The following BTBD9 variants were observed in gnomAD, a reference collection of about 807,000 sequenced individuals.
BTBD9 encodes BTB domain containing 9.
Under a neutral mutation model 64.3 loss-of-function variants are expected in BTBD9, and 49 were observed. That is an observed-to-expected ratio of 0.76 (90% CI 0.61 to 0.97). The LOEUF is 0.97. Ranked by LOEUF, BTBD9 falls within the 50% of genes least tolerant of loss-of-function variation. The probability of loss-of-function intolerance (pLI) is 0.00; values close to 1 mark genes in which losing one functional copy is unlikely to be tolerated. For synonymous variants in BTBD9, 260 were observed against 274.7 expected (o/e 0.95, Z 0.53); for missense variants, 598 against 762.1 (o/e 0.78, Z 2.53).
chr6:38,297,664 A>G (rs988975643), intron 7 of BTBD9, among the ~76,000 whole-genome samples: 1 of 152,168 alleles, frequency 6.6e-6, no homozygotes, highest in African/African-American at 2.4e-5. Flanking sequence ...TGTAAATAAC[A>G]TAATAGATTT....
intron 6 of BTBD9, among the ~76,000 whole-genome samples, chr6:38,351,989 T>C (rs2127593289): frequency 6.6e-6 from 1 of 152,286 alleles, no homozygotes; most frequent in South Asian, 2.1e-4. Context: ...AGATCTAAAA[T>C]GTATTTAATT....
At chr6:38,581,831 G>A (rs2127477709) in intron 4 of BTBD9, among the ~76,000 whole-genome samples, 1 of 152,202 alleles carries the variant, frequency 6.6e-6, no homozygotes, top group African/African-American at 2.4e-5. Context: ...AGCATATTAT[G>A]AGCTCTACTC....
intron 1 of BTBD9, among the ~76,000 whole-genome samples, chr6:38,601,386 A>G (rs1189445181): frequency 2.0e-5 from 3 of 152,228 alleles, no homozygotes. Flanking sequence ...CTACAAAGTG[A>G]TAGTTTCAGT....
chr6:38,465,582 G>C (rs2127358747), intron 6 of BTBD9, among the ~76,000 whole-genome samples: 1 of 149,362 alleles, frequency 6.7e-6, no homozygotes, highest in Admixed American at 6.7e-5. Context: ...AGTGAGCTGA[G>C]ACTGGGAGGC....
intron 1 of BTBD9, among the ~76,000 whole-genome samples, chr6:38,598,903 G>A (rs1777154116): frequency 1.3e-5 from 2 of 152,002 alleles, no homozygotes; most frequent in African/African-American, 4.8e-5. Context: ...GGCCACAAGA[G>A]CGAAACTTCT....
chr6:38,353,226 G>C (rs1396877810), intron 6 of BTBD9, among the ~76,000 whole-genome samples: 1 of 152,112 alleles, frequency 6.6e-6, no homozygotes, highest in Non-Finnish European at 1.5e-5. Context: ...AATTAAATAG[G>C]CTTCTTAGCA....
chr6:38,256,645 T>TC (rs759961452), intron 8 of BTBD9, 129 bp from the exon 9 acceptor site: 1 of 624,620 alleles, frequency 1.6e-6, no homozygotes, highest in Non-Finnish European at 2.8e-6. Context: ...AGAAGGTGAA[T>TC]CCCAAAAAAG....
intron 10 of BTBD9, among the ~76,000 whole-genome samples, chr6:38,188,393 G>A (rs1020432234): frequency 6.6e-6 from 1 of 152,140 alleles, no homozygotes; most frequent in Non-Finnish European, 1.5e-5. Flanking sequence ...TCCATGCTGC[G>A]CTTCCCCACC....
At chr6:38,193,050 TATAATA>T (rs1343345462) in intron 9 of BTBD9, among the ~76,000 whole-genome samples, 1 of 134,532 alleles carries the variant, frequency 7.4e-6, no homozygotes, top group Non-Finnish European at 1.7e-5. Context: ...GAACTTGGAG[TATAATA>T]ATAATAAAAA....
chr6:38,322,512 A>T (rs1019843812), intron 7 of BTBD9, among the ~76,000 whole-genome samples: 1 of 152,194 alleles, frequency 6.6e-6, no homozygotes, highest in Non-Finnish European at 1.5e-5. Flanking sequence ...ATTTTACAGG[A>T]TCACATTCAT....
intron 6 of BTBD9, among the ~76,000 whole-genome samples, chr6:38,396,580 C>A (rs914396286): frequency 6.6e-6 from 1 of 152,194 alleles, no homozygotes; most frequent in Non-Finnish European, 1.5e-5. Flanking sequence ...TTATCCTTTA[C>A]CCTTGCCACT....
intron 6 of BTBD9, among the ~76,000 whole-genome samples, chr6:38,564,615 A>G (rs780739983): frequency 1.3e-5 from 2 of 151,912 alleles, no homozygotes; most frequent in African/African-American, 2.4e-5. Context: ...ATGGCCGAGC[A>G]CGGTGACTCA....
chr6:38,258,797 G>C (rs1260321207), intron 8 of BTBD9, among the ~76,000 whole-genome samples: 2 of 152,214 alleles, frequency 1.3e-5, no homozygotes, highest in African/African-American at 4.8e-5. Context: ...GGCTGAGGCA[G>C]GAGAATCGCT....
chr6:38,550,021 C>T (rs1011837207), intron 6 of BTBD9, among the ~76,000 whole-genome samples: 3 of 152,164 alleles, frequency 2.0e-5, no homozygotes, highest in African/African-American at 7.2e-5. Flanking sequence ...CTTTCTCAGT[C>T]TTGTGTACCG....
chr6:38,246,436 G>T (rs981556652), intron 9 of BTBD9, among the ~76,000 whole-genome samples: 1 of 151,394 alleles, frequency 6.6e-6, no homozygotes, highest in Admixed American at 6.6e-5. Context: ...TCTGCCTAGG[G>T]TCAGACTTGG....
chr6:38,571,805 A>G (rs1202057540), intron 6 of BTBD9: 1 of 152,280 alleles, frequency 6.6e-6, no homozygotes, highest in Non-Finnish European at 1.5e-5. Flanking sequence ...CTAAAAATAG[A>G]AAAAACTAGC....
intron 6 of BTBD9, among the ~76,000 whole-genome samples, chr6:38,527,309 T>TGGG (rs949069069): frequency 8.4e-6 from 1 of 119,294 alleles, no homozygotes; most frequent in African/African-American, 3.3e-5. Context: ...TGTGATTTGG[T>TGGG]GGGGGCCAGG....
intron 6 of BTBD9, among the ~76,000 whole-genome samples, chr6:38,415,989 C>A (rs541157260): frequency 2.6e-5 from 4 of 152,198 alleles, no homozygotes; most frequent in Non-Finnish European, 4.4e-5. Flanking sequence ...CAGAACCAGA[C>A]AGATTGGCTA....
At chr6:38,556,859 A>G (rs1191864091) in intron 6 of BTBD9, among the ~76,000 whole-genome samples, 1 of 150,974 alleles carries the variant, frequency 6.6e-6, no homozygotes, top group South Asian at 2.1e-4. Context: ...TCTACTAAAA[A>G]TACAAAAATT....
Sources: allele counts gnomAD v4.1 joint callset (sites outside exome capture counted in the v4.1 genomes callset), GRCh38; gene constraint gnomAD v4.1.1; transcripts MANE v1.5; gene names NCBI Gene and HGNC (gene_info 2026-07-23, HGNC 2026-07-21).